PCDHGA6: variants seen among roughly 807,000 people sequenced by gnomAD.
The protein encoded by PCDHGA6 is protocadherin gamma subfamily A, 6.
A neutral mutation model predicts 60.6 loss-of-function variants in PCDHGA6; 41 were observed. The ratio of observed to expected loss-of-function variants is 0.68; its 90% CI spans 0.53 to 0.88. PCDHGA6 has a LOEUF of 0.88. Ranked by LOEUF, PCDHGA6 falls within the 40% of genes least tolerant of loss-of-function variation. The pLI is 0.00. For missense variants in PCDHGA6, 1,312 were observed against 1,203.0 expected (o/e 1.09, Z -1.34); for synonymous variants, 594 against 524.4 (o/e 1.13, Z -1.81).
chr5:141,389,805 C>G (rs1222548961), intron 1 of PCDHGA6: 1 of 1,613,802 alleles, frequency 6.2e-7, no homozygotes, highest in East Asian at 2.2e-5. Flanking sequence ...CCAGCGCCTT[C>G]TGGTCGCCGT....
At chr5:141,453,370 G>A (rs969698165) in intron 1 of PCDHGA6, among the ~76,000 whole-genome samples, 1 of 152,046 alleles carries the variant, frequency 6.6e-6, no homozygotes, top group Non-Finnish European at 1.5e-5. Context: ...CTGGGGTCAA[G>A]TGATCCTCCT....
intron 2 of PCDHGA6, among the ~76,000 whole-genome samples, chr5:141,504,178 A>C (rs572543892): frequency 4.5e-4 from 69 of 152,366 alleles, no homozygotes; most frequent in Non-Finnish European, 7.6e-4. Context: ...AAATTCAAAA[A>C]AATCATGAAA....
chr5:141,450,851 G>T (rs1184272833), intron 1 of PCDHGA6, among the ~76,000 whole-genome samples: 1 of 142,602 alleles, frequency 7.0e-6, no homozygotes, highest in Non-Finnish European at 1.5e-5. Context: ...TTGAGATGGG[G>T]TCTTGCTCTG....
At chr5:141,386,719 C>A (rs1487131983) in intron 1 of PCDHGA6, among the ~76,000 whole-genome samples, 1 of 152,104 alleles carries the variant, frequency 6.6e-6, no homozygotes, top group African/African-American at 2.4e-5. Flanking sequence ...CTGACACCAA[C>A]AATGTTACTG....
At chr5:141,412,300 A>T (rs1422841541) in intron 1 of PCDHGA6, 2 of 152,248 alleles carry the variant, frequency 1.3e-5, no homozygotes, top group Non-Finnish European at 2.9e-5. Context: ...TTCTTTTCTC[A>T]TTACAATGCA....
intron 1 of PCDHGA6, chr5:141,398,587 C>G: frequency 6.2e-7 from 1 of 1,613,860 alleles, no homozygotes; most frequent in Non-Finnish European, 8.5e-7. Context: ...AAGATTTATA[C>G]TAGAAGTAGC....
chr5:141,501,836 T>G (rs2099811283), intron 2 of PCDHGA6, among the ~76,000 whole-genome samples: 1 of 152,136 alleles, frequency 6.6e-6, no homozygotes, highest in Non-Finnish European at 1.5e-5. Context: ...CCCACCTGTT[T>G]GGCCCTCAAC....
intron 1 of PCDHGA6, among the ~76,000 whole-genome samples, chr5:141,455,246 G>A (rs2098817522): frequency 6.6e-6 from 1 of 151,962 alleles, no homozygotes; most frequent in Non-Finnish European, 1.5e-5. Context: ...AAAGGTCATA[G>A]TACAATCGCA....
At chr5:141,391,213 C>T (rs1255778682) in intron 1 of PCDHGA6, 1 of 152,056 alleles carries the variant, frequency 6.6e-6, no homozygotes, top group African/African-American at 2.4e-5. Flanking sequence ...TACCAAGGAA[C>T]ATTATATGAG....
In PCDHGA6 at chr5:141,485,848, C is replaced by T; in HGVS notation, c.2425-8959C>T. On this transcript the variant is annotated intron_variant, in intron 1 of 3. Coordinates refer to ENST00000517434, the MANE Select transcript of PCDHGA6 (RefSeq NM_018919.3). This position sits in a 1 kb window ranked among gnomAD's most constrained non-coding sequence, Gnocchi z 5.7. ...GAGGGAACCCGCCGAGATCTGGCAC[C>T]GCAGAGCTCCGGGTATCCGTGCTGG... The T allele has an allele frequency of 1.2e-6, 2 of 1,614,194 alleles. No homozygotes were observed. Among genetic ancestry groups the T allele is most frequent in the South Asian group, 2.2e-5 (2 of 91,080 alleles).
chr5:141,479,752 T>C (rs770200359), intron 1 of PCDHGA6: 4 of 152,236 alleles, frequency 2.6e-5, no homozygotes, highest in Non-Finnish European at 4.4e-5. Context: ...ATGTGAAAGG[T>C]AGATAAATTC....
chr5:141,487,403 C>T lies in PCDHGA6; in HGVS notation c.2425-7404C>T. 1 of 1,614,140 alleles carries T rather than the reference C, an allele frequency of 6.2e-7. No homozygotes were observed. Among genetic ancestry groups the T allele is most frequent in the South Asian group, 1.1e-5 (1 of 91,082 alleles). ...CAGATCTCGAAGGAGGGAGGGGCTTCCCCCTTCCAATGGGATCCTCCGAAT... is the reference window on the plus strand; with the variant it reads ...CAGATCTCGAAGGAGGGAGGGGCTTTCCCCTTCCAATGGGATCCTCCGAAT... On this transcript the variant is annotated intron_variant, in intron 1 of 3. Coordinates refer to ENST00000517434, the MANE Select transcript of PCDHGA6 (RefSeq NM_018919.3). The surrounding 1 kb of genome is among the most constrained non-coding windows in gnomAD (Gnocchi z 5.0).
intron 1 of PCDHGA6, chr5:141,383,525 A>C: frequency 6.2e-7 from 1 of 1,612,320 alleles, no homozygotes; most frequent in Non-Finnish European, 8.5e-7. Context: ...CGGGTTCACC[A>C]CCTGGTCCTC....
Position 141,409,176 on chromosome 5 carries a change from G to A in PCDHGA6, c.2424+32669G>A. On this transcript the variant is annotated intron_variant, in intron 1 of 3. Transcript: ENST00000517434. ...ATGGAAGTGGAAGCGAAGGACGGAG[G>A]TGGTCTCTCTACCCAGTGTAAAGTA... The A allele has an allele frequency of 6.2e-7, 1 of 1,614,026 alleles. No individual in the cohort carries two copies. The highest frequency in any genetic ancestry group is 8.5e-7 in the Non-Finnish European group (1 of 1,179,892).
At position 141,382,899 on chromosome 5, in the gene PCDHGA6, T is replaced by C. The variant is rs148952660; in HGVS notation, c.2424+6392T>C. On this transcript the variant is annotated intron_variant, in intron 1 of 3. Transcript: ENST00000517434. ...GCCTAAGCAAGAGAAGCAGGACGAC[T>C]ATGGCGGCTCAGCCGAGGGGCGGGG... 463 of 1,541,826 alleles carry C rather than the reference T, an allele frequency of 3.0e-4. 2 individuals carry two copies. In the African/African-American group the frequency reaches 5.3e-3, roughly 18 times the overall value.
At chr5:141,442,694 C>A (rs549307212) in intron 1 of PCDHGA6, among the ~76,000 whole-genome samples, 22 of 152,304 alleles carry the variant, frequency 1.4e-4, no homozygotes, top group Non-Finnish European at 3.1e-4. Flanking sequence ...GTCAGGCAGA[C>A]AAGAGTATCA....
In PCDHGA6 at chr5:141,431,628, A is replaced by C. The variant is rs1204083567; in HGVS notation, c.2424+55121A>C. Reference sequence around the variant, plus strand: ...CGGTATGTGGACGACAAGGCGGCCCAAGTTTTCAAACTAGATTGTAATTCA... The same window carrying C: ...CGGTATGTGGACGACAAGGCGGCCCCAGTTTTCAAACTAGATTGTAATTCA... On this transcript the variant is annotated intron_variant, in intron 1 of 3. Coordinates refer to ENST00000517434, the MANE Select transcript of PCDHGA6 (RefSeq NM_018919.3). The surrounding 1 kb of genome is among the most constrained non-coding windows in gnomAD (Gnocchi z 4.8). 1 of 1,614,256 alleles carries C rather than the reference A, an allele frequency of 6.2e-7. No individual in the cohort carries two copies. The highest frequency in any genetic ancestry group is 8.5e-7 in the Non-Finnish European group (1 of 1,180,050).
chr5:141,392,841 C>A (rs1464167244), intron 1 of PCDHGA6: 2 of 1,608,680 alleles, frequency 1.2e-6, no homozygotes, highest in Non-Finnish European at 1.7e-6. Flanking sequence ...TCGCCCCAGA[C>A]GCGGCGAGCT....
At chr5:141,400,681 T>C in intron 1 of PCDHGA6, 1 of 834,118 alleles carries the variant, frequency 1.2e-6, no homozygotes, top group Non-Finnish European at 1.9e-6. Flanking sequence ...CAGTAAATTG[T>C]GAGTTTTTAT....
Sources: allele counts gnomAD v4.1 joint callset (sites outside exome capture counted in the v4.1 genomes callset), GRCh38; gene constraint gnomAD v4.1.1; non-coding constraint Gnocchi (gnomAD v3.1); transcripts MANE v1.5; gene names NCBI Gene and HGNC (gene_info 2026-07-23, HGNC 2026-07-21).